ABI3BP: variants seen among roughly 807,000 people sequenced by gnomAD.
ABI3BP encodes ABI family member 3 binding protein.
In ABI3BP, 216 loss-of-function variants were observed where a neutral mutation model predicts 268.6. That is an observed-to-expected ratio of 0.80 (90% CI 0.72 to 0.90). The LOEUF (loss-of-function observed/expected upper bound fraction) is 0.90. ABI3BP is among the 40% of genes least tolerant of loss of function. The pLI is 0.00. For synonymous variants in ABI3BP, 730 were observed against 730.0 expected (o/e 1.00, Z 0.00); for missense variants, 2,090 against 2,182.4 (o/e 0.96, Z 0.84).
chr3:100,959,055 G>A (rs554698416), intron 1 of ABI3BP, among the ~76,000 whole-genome samples: 133 of 152,234 alleles, frequency 8.7e-4, no homozygotes, highest in African/African-American at 2.8e-3. Context: ...GTGAAGATCC[G>A]CTGCAGCCAG....
At position 100,864,901 on chromosome 3, in the gene ABI3BP, G is replaced by A. The variant is rs760669242; in HGVS notation, c.995C>T (p.Pro332Leu). ...TTTAGTGCTTCTTGGAACTGTTTCA[G>A]GAGTCACTGAAAGGTAAAAAGCACA... is the stretch of plus-strand genomic sequence containing the variant. ...KISARPTTVT[P>L]ETVPRSTKPT... Residue 332 changes from proline to leucine, a missense_variant, in exon 11 of 68, where the codon CCT becomes CTT. Transcript: ENST00000471714. 16 of 1,603,804 alleles carry A rather than the reference G, an allele frequency of 1.0e-5. No individual in the cohort carries two copies. The East Asian group carries it at 2.2e-4, about 22-fold the overall frequency.
intron 47 of ABI3BP, 90 bp from the exon 48 acceptor site, chr3:100,811,367 C>A: frequency 1.0e-6 from 1 of 1,003,922 alleles, no homozygotes; most frequent in Non-Finnish European, 1.4e-6. Flanking sequence ...TAATAATTTG[C>A]ATCATAATTT....
intron 40 of ABI3BP, 59 bp from the exon 41 acceptor site, chr3:100,818,640 T>A: frequency 7.7e-7 from 1 of 1,299,948 alleles, no homozygotes; most frequent in South Asian, 1.3e-5. Context: ...CTTTCCATTA[T>A]AATACTGCTT....
At chr3:100,817,587 C>T (rs947185579) in intron 41 of ABI3BP, 92 bp from the exon 42 acceptor site, 3 of 1,031,890 alleles carry the variant, frequency 2.9e-6, no homozygotes, top group Admixed American at 2.8e-5. Flanking sequence ...AAAAGTAAGG[C>T]TTGTTTTTTG....
chr3:100,893,551 T>C (rs2045773235), intron 4 of ABI3BP, among the ~76,000 whole-genome samples: 1 of 152,084 alleles, frequency 6.6e-6, no homozygotes, highest in Admixed American at 6.5e-5. Context: ...GTTTAGTAAC[T>C]AATTGGTCAT....
intron 1 of ABI3BP, among the ~76,000 whole-genome samples, chr3:100,988,141 C>T (rs2153984609): frequency 1.3e-5 from 2 of 152,264 alleles, no homozygotes; most frequent in South Asian, 4.1e-4. Flanking sequence ...TGGACGAGAT[C>T]CTCTGCAGCC....
chr3:100,937,541 G>A (rs1201128194), intron 1 of ABI3BP, among the ~76,000 whole-genome samples: 3 of 151,958 alleles, frequency 2.0e-5, no homozygotes, highest in East Asian at 1.9e-4. Flanking sequence ...ATGCCGTTAC[G>A]CTACTGTAGA....
At position 100,803,675 on chromosome 3, in the gene ABI3BP, C is replaced by A. The variant is rs2097600321; in HGVS notation, c.3757+1117G>T. Among the ~76,000 whole-genome samples the A allele has an allele frequency of 1.3e-5, 2 of 152,144 alleles. 1 individual carries two copies. The highest frequency in any genetic ancestry group is 4.1e-4 in the South Asian group (2 of 4,824). ...GAAAAGTAAATAAAGTCACTCAAAT[C>A]TACTGTTATCTATAACAAATTAATT... On this transcript the variant is annotated intron_variant, in intron 51 of 67. Transcript: ENST00000471714.
intron 36 of ABI3BP, among the ~76,000 whole-genome samples, chr3:100,823,881 A>G (rs1358505099): frequency 6.6e-6 from 1 of 152,244 alleles, no homozygotes; most frequent in East Asian, 1.9e-4. Flanking sequence ...ACTTCTGAAT[A>G]TTAGCGCTTA....
chr3:100,886,608 G>T (rs1281778763), intron 4 of ABI3BP, among the ~76,000 whole-genome samples: 1 of 151,938 alleles, frequency 6.6e-6, no homozygotes, highest in African/African-American at 2.4e-5. Flanking sequence ...CAAGATGAAA[G>T]TTGGAAAACA....
At chr3:100,905,342 C>T (rs948359020) in intron 2 of ABI3BP, among the ~76,000 whole-genome samples, 10 of 152,084 alleles carry the variant, frequency 6.6e-5, no homozygotes, top group Non-Finnish European at 1.0e-4. Context: ...AGCACACCAA[C>T]ATTGCACATG....
intron 63 of ABI3BP, among the ~76,000 whole-genome samples, chr3:100,764,078 G>A (rs1026763880): frequency 6.6e-6 from 1 of 152,036 alleles, no homozygotes; most frequent in African/African-American, 2.4e-5. Flanking sequence ...GGTAAAAATA[G>A]CCTATTTTTC....
chr3:100,862,577 G>C (rs1182601604), intron 13 of ABI3BP, 192 bp from the exon 14 acceptor site: 3 of 585,514 alleles, frequency 5.1e-6, no homozygotes, highest in Non-Finnish European at 9.0e-6. Context: ...AGTGGTCAGA[G>C]AGAGACCAGA....
chr3:100,894,060 A>C (rs1460236733), intron 4 of ABI3BP, among the ~76,000 whole-genome samples: 1 of 152,160 alleles, frequency 6.6e-6, no homozygotes, highest in African/African-American at 2.4e-5. Context: ...CTGTTGCCAG[A>C]ATCCAGGGTA....
chr3:100,900,284 T>C (rs1044325471), intron 3 of ABI3BP, among the ~76,000 whole-genome samples: 1 of 152,252 alleles, frequency 6.6e-6, no homozygotes, highest in South Asian at 2.1e-4. Context: ...CAGGGAACAC[T>C]TATAGTTTGA....
chr3:100,906,028 C>T (rs1306052753), intron 2 of ABI3BP, among the ~76,000 whole-genome samples: 1 of 152,152 alleles, frequency 6.6e-6, no homozygotes, highest in Non-Finnish European at 1.5e-5. Context: ...CTACAAAATA[C>T]TCTTTTAATA....
At chr3:100,967,620 A>G (rs1404631966) in intron 1 of ABI3BP, among the ~76,000 whole-genome samples, 1 of 152,186 alleles carries the variant, frequency 6.6e-6, no homozygotes, top group African/African-American at 2.4e-5. Flanking sequence ...TGAATATGCA[A>G]TAAAAATTAT....
chr3:100,788,418 T>C (rs2097111729), intron 56 of ABI3BP, among the ~76,000 whole-genome samples: 1 of 152,146 alleles, frequency 6.6e-6, no homozygotes, highest in Admixed American at 6.6e-5. Flanking sequence ...CTAAGTGTAC[T>C]GTGCTTATGT....
intron 43 of ABI3BP, chr3:100,816,377 T>C (rs2098045260): frequency 8.0e-6 from 4 of 498,094 alleles, no homozygotes; most frequent in Non-Finnish European, 1.4e-5. Flanking sequence ...ATGGATCACA[T>C]GTTTCAATGC....
Sources: gnomAD v4.1 joint callset for allele counts (sites outside exome capture counted in the v4.1 genomes callset) on GRCh38, gnomAD v4.1.1 for gene constraint, MANE v1.5 for transcripts, NCBI Gene and HGNC (gene_info 2026-07-23, HGNC 2026-07-21) for gene names.